The following CELF4 variants were observed in gnomAD, a reference collection of about 807,000 sequenced individuals.
CELF4 encodes the protein CUG-BP- and ETR-3-like factor 4.
Under a neutral mutation model 59.9 loss-of-function variants are expected in CELF4, and 18 were observed. That is an observed-to-expected ratio of 0.30 (90% CI 0.21 to 0.45). CELF4 has a LOEUF of 0.45. Among genes scored for constraint, CELF4 ranks in the 20% least tolerant of loss-of-function variants. CELF4 has a pLI of 1.00. For missense variants in CELF4, 456 were observed against 689.0 expected (o/e 0.66, Z 3.79); for synonymous variants, 261 against 267.1 (o/e 0.98, Z 0.22).
At chr18:37,397,387 G>A (rs2099258282) in intron 2 of CELF4, among the ~76,000 whole-genome samples, 1 of 152,236 alleles carries the variant, frequency 6.6e-6, no homozygotes, top group Admixed American at 6.5e-5. Flanking sequence ...CCCCCCAGGA[G>A]TTTCCATTCT....
intron 1 of CELF4, among the ~76,000 whole-genome samples, chr18:37,559,760 C>T (rs1351127978): frequency 6.6e-6 from 1 of 152,164 alleles, no homozygotes; most frequent in Admixed American, 6.5e-5. Flanking sequence ...AGCCCCTCTT[C>T]CCTCCTGATA....
At chr18:37,385,638 G>A (rs1012447881) in intron 2 of CELF4, among the ~76,000 whole-genome samples, 1 of 151,754 alleles carries the variant, frequency 6.6e-6, no homozygotes, top group Admixed American at 6.6e-5. Flanking sequence ...GATTCATTCT[G>A]CAAACCCTGC....
At chr18:37,367,488 T>C (rs2098799897) in intron 2 of CELF4, among the ~76,000 whole-genome samples, 1 of 151,908 alleles carries the variant, frequency 6.6e-6, no homozygotes, top group Admixed American at 6.6e-5. Context: ...AAGGATGCTC[T>C]GGGAAGGCCT....
chr18:37,433,448 T>C (rs559211242), intron 2 of CELF4, among the ~76,000 whole-genome samples: 1 of 152,328 alleles, frequency 6.6e-6, no homozygotes, highest in Admixed American at 6.5e-5. Context: ...ACACTGAATG[T>C]TGCTTGAGGA....
chr18:37,483,009 G>A (rs1385703072), intron 2 of CELF4, among the ~76,000 whole-genome samples: 5 of 152,012 alleles, frequency 3.3e-5, no homozygotes, highest in Non-Finnish European at 7.4e-5. Flanking sequence ...TGTGCTTGCT[G>A]GGGCACCTAG....
chr18:37,489,908 A>G lies in CELF4; in HGVS notation c.287-4301T>C, dbSNP rs570055717. 1.3e-3 allele frequency among the ~76,000 whole-genome samples: 193 copies of G among 152,210 alleles called. 2 individuals carry two copies. Among genetic ancestry groups the G allele is most frequent in the Non-Finnish European group, 2.1e-3 (143 of 67,998 alleles). On this transcript the variant is annotated intron_variant, in intron 1 of 12. Coordinates refer to ENST00000420428, the MANE Select transcript of CELF4 (RefSeq NM_020180.4). ...TCTCTCCCCATCTTCAGACCCAGAAATCCCTCCCAAGTCCTGATCCTATGA... is the reference window on the plus strand; with the variant it reads ...TCTCTCCCCATCTTCAGACCCAGAAGTCCCTCCCAAGTCCTGATCCTATGA...
chr18:37,317,851 C>T (rs1209136375), intron 3 of CELF4, among the ~76,000 whole-genome samples: 3 of 152,204 alleles, frequency 2.0e-5, no homozygotes, highest in Non-Finnish European at 4.4e-5. Flanking sequence ...CCATGCCCAT[C>T]CCTAGACACC....
chr18:37,329,939 G>C (rs2097478118), intron 2 of CELF4, among the ~76,000 whole-genome samples: 1 of 152,194 alleles, frequency 6.6e-6, no homozygotes, highest in Admixed American at 6.5e-5. Flanking sequence ...GCGTTTTGTG[G>C]ATCATCAGGT....
intron 3 of CELF4, among the ~76,000 whole-genome samples, chr18:37,297,322 A>G (rs1211839709): frequency 6.6e-6 from 1 of 152,162 alleles, no homozygotes; most frequent in African/African-American, 2.4e-5. Flanking sequence ...TGGGGTAAGC[A>G]TTGCTGTCTT....
intron 3 of CELF4, among the ~76,000 whole-genome samples, chr18:37,309,683 G>A (rs1476071422): frequency 2.0e-5 from 3 of 152,038 alleles, no homozygotes; most frequent in Admixed American, 6.6e-5. Flanking sequence ...TACTATGCGC[G>A]TGTGCACGAG....
intron 2 of CELF4, among the ~76,000 whole-genome samples, chr18:37,394,847 T>C (rs1489097619): frequency 6.6e-6 from 1 of 152,068 alleles, no homozygotes; most frequent in African/African-American, 2.4e-5. Context: ...GGCCACCTCC[T>C]AGGCCCTAGG....
chr18:37,408,471 T>C (rs1417539499), intron 2 of CELF4, among the ~76,000 whole-genome samples: 1 of 121,966 alleles, frequency 8.2e-6, no homozygotes, highest in East Asian at 2.8e-4. Context: ...TTTTTTTTTT[T>C]TTTCCCCCTT....
Position 37,245,522 on chromosome 18 carries a change from G to A in CELF4, c.*45-325C>T, listed in dbSNP as rs752349659. Among the ~76,000 whole-genome samples the A allele has an allele frequency of 1.2e-4, 18 of 152,112 alleles. 1 individual carries two copies. Among genetic ancestry groups the A allele is most frequent in the African/African-American group, 3.1e-4 (13 of 41,480 alleles). Reference sequence around the variant, plus strand: ...ATCTAAGGGGAGAATTTGGGACTGCGGGATATGAATTCATAATTAAACTTG... The same window carrying A: ...ATCTAAGGGGAGAATTTGGGACTGCAGGATATGAATTCATAATTAAACTTG... On this transcript the variant is annotated intron_variant, in intron 12 of 12. Transcript: ENST00000420428. The surrounding 1 kb of genome is among the most constrained non-coding windows in gnomAD (Gnocchi z 4.1).
Position 37,523,590 on chromosome 18 carries a change from A to G in CELF4, c.287-37983T>C, listed in dbSNP as rs538898827. Among the ~76,000 whole-genome samples the G allele has an allele frequency of 2.6e-5, 4 of 152,308 alleles. No individual in the cohort carries two copies. The East Asian group carries it at 7.7e-4, about 29-fold the overall frequency. ...GCCCATGCTTGCCTCTGGGAAATTC[A>G]GGCCCATCATAGGATGCCCATCAGC... On this transcript the variant is annotated intron_variant, in intron 1 of 12. Transcript: ENST00000420428.
intron 2 of CELF4, among the ~76,000 whole-genome samples, chr18:37,476,348 C>T (rs2099848965): frequency 6.6e-6 from 1 of 152,168 alleles, no homozygotes; most frequent in Non-Finnish European, 1.5e-5. Context: ...ACACTGTGCT[C>T]CTTCAGCCAC....
At chr18:37,440,260 A>G (rs1401859062) in intron 2 of CELF4, among the ~76,000 whole-genome samples, 1 of 152,076 alleles carries the variant, frequency 6.6e-6, no homozygotes, top group African/African-American at 2.4e-5. Flanking sequence ...GGAACTAACA[A>G]CCAGGTGGGG....
intron 8 of CELF4, among the ~76,000 whole-genome samples, chr18:37,269,999 A>G (rs572025285): frequency 1.3e-5 from 2 of 152,270 alleles, no homozygotes; most frequent in South Asian, 4.2e-4. Flanking sequence ...CATCGGGAGC[A>G]CATTTCCCTT....
intron 3 of CELF4, among the ~76,000 whole-genome samples, chr18:37,313,672 C>T (rs1263346632): frequency 6.6e-6 from 1 of 152,212 alleles, no homozygotes; most frequent in Non-Finnish European, 1.5e-5. Context: ...CCTTGAAGCC[C>T]TTGCAGACAA....
In CELF4 at chr18:37,270,917, C is replaced by T; in HGVS notation, c.950G>A (p.Gly317Asp). ...LAAAPMTPTS[G>D]GSTPPGITAP... The stretch of plus-strand genomic sequence containing the variant: ...AGTGATGCCCGGAGGGGTGCTGCCA[C>T]CTGGTTCCAGGCATACAGAAGGGTG... Residue 317 changes from glycine (G) to aspartate (D), a missense_variant and splice_region_variant, in exon 8 of 13, where the codon GGT (glycine) becomes GAT (aspartate). Transcript: ENST00000420428. 1.2e-6 allele frequency: 2 copies of T among 1,603,950 alleles called. No homozygotes were observed. The highest frequency in any genetic ancestry group is 1.7e-6 in the Non-Finnish European group (2 of 1,174,912).
Sources: gnomAD v4.1 joint callset for allele counts (sites outside exome capture counted in the v4.1 genomes callset) on GRCh38, gnomAD v4.1.1 for gene constraint, Gnocchi (gnomAD v3.1) non-coding constraint, MANE v1.5 for transcripts, NCBI Gene and HGNC (gene_info 2026-07-23, HGNC 2026-07-21) for gene names.